Variants in FAM153A observed in about 807,000 individuals in gnomAD.
FAM153A encodes family with sequence similarity 153 member A.
Under a neutral mutation model 48.1 loss-of-function variants are expected in FAM153A, and 12 were observed. The observed-to-expected ratio is 0.25, with a 90% CI of 0.16 to 0.40. The LOEUF (loss-of-function observed/expected upper bound fraction) is 0.40, where lower values mean the gene tolerates loss of function less well. Among genes scored for constraint, FAM153A ranks in the 10% least tolerant of loss-of-function variants. The pLI is 1.00. For missense variants in FAM153A, 111 were observed against 345.8 expected (o/e 0.32, Z 5.38); for synonymous variants, 36 against 118.2 (o/e 0.30, Z 4.51).
upstream of FAM153A, among the ~76,000 whole-genome samples, chr5:177,755,685 A>C (rs1767660029): frequency 6.6e-6 from 1 of 151,734 alleles, no homozygotes; most frequent in African/African-American, 2.4e-5. Flanking sequence ...AATATTCAAC[A>C]TTCTTAAAGA....
At chr5:177,743,201 GTTTTGTTTTTT>G (rs1765579292) in intron 6 of FAM153A, among the ~76,000 whole-genome samples, 1 of 86,474 alleles carries the variant, frequency 1.2e-5, no homozygotes, top group Non-Finnish European at 2.4e-5. Context: ...TTTTTTTTTT[GTTTTGTTTTTT>G]TTTTTTTTGC....
At chr5:177,755,049 G>C (rs1490277780), upstream of FAM153A, among the ~76,000 whole-genome samples, 1 of 151,838 alleles carries the variant, frequency 6.6e-6, no homozygotes, top group East Asian at 1.9e-4. Flanking sequence ...GCTAAAGGAG[G>C]AAGTTCAAAC....
chr5:177,781,804 C>G (rs1423638425), upstream of FAM153A: 2 of 96,902 alleles, frequency 2.1e-5, no homozygotes, highest in East Asian at 6.5e-4. Context: ...CTGCAAGCTG[C>G]GCCTCCCGGG....
chr5:177,707,589 C>G (rs372166247), downstream of FAM153A, among the ~76,000 whole-genome samples: 1 of 151,568 alleles, frequency 6.6e-6, no homozygotes. Flanking sequence ...AACAAAATGA[C>G]TGGCAGGGAA....
intron 25 of FAM153A, among the ~76,000 whole-genome samples, chr5:177,715,760 G>A (rs1247345568): frequency 2.0e-5 from 3 of 151,770 alleles, no homozygotes; most frequent in Admixed American, 6.6e-5. Context: ...CTGGAGTGCA[G>A]TGGTATGATC....
chr5:177,708,181 CT>C (rs1758024345), downstream of FAM153A: 1 of 153,336 alleles, frequency 6.5e-6, no homozygotes, highest in Admixed American at 6.6e-5. Flanking sequence ...AACAGGAAAG[CT>C]GCAGGAATCA....
At chr5:177,711,372 T>G (rs1758448735) in exon 27 of FAM153A, 1 of 151,972 alleles carries the variant, frequency 6.6e-6, no homozygotes. Flanking sequence ...ATGTTCAAGT[T>G]GTTTTTTAAG....
chr5:177,716,964 A>AGAGT lies in FAM153A; in HGVS notation c.*1151+198_*1151+199insACTC, dbSNP rs71585654. On this transcript the variant is annotated intron_variant and NMD_transcript_variant, in intron 24 of 26. Transcript: ENST00000360669. ...CAGTAGCATGCCACCATTCCCGCTT[A>AGAGT]GTGTGTGTGTGTGTGTGTGTGTGTG... 1.6e-4 allele frequency among the ~76,000 whole-genome samples: 21 copies of AGAGT among 127,734 alleles called. No individual in the cohort carries two copies. In the East Asian group the frequency reaches 4.5e-3, roughly 27 times the overall value. The allele number at this position is 127,734 out of a possible 152,430, so 83.8% of individuals were successfully genotyped here.
the FAM153A span, among the ~76,000 whole-genome samples, chr5:177,696,192 C>G: frequency 8.1e-6 from 1 of 122,960 alleles, no homozygotes; most frequent in Non-Finnish European, 1.7e-5. Context: ...GATGGGGCGG[C>G]CGGGCAGAGG....
the FAM153A span, among the ~76,000 whole-genome samples, chr5:177,699,974 C>A: frequency 3.3e-5 from 5 of 151,790 alleles, no homozygotes; most frequent in African/African-American, 1.2e-4. Flanking sequence ...GCCTAGTGAA[C>A]TGAATCTAGC....
chr5:177,731,203 A>T (rs1389867538), intron 16 of FAM153A, among the ~76,000 whole-genome samples: 1 of 20,074 alleles, frequency 5.0e-5, no homozygotes, highest in African/African-American at 2.4e-4. Flanking sequence ...AACCTCTACC[A>T]CCTGGGTTCC....
chr5:177,711,168 T>A (rs1304867792), exon 27 of FAM153A: 1 of 151,956 alleles, frequency 6.6e-6, no homozygotes, highest in Non-Finnish European at 1.5e-5. Context: ...GAAATTATAA[T>A]GCACAAAGCC....
At chr5:177,759,381 G>C (rs1768079746) in intron 1 of FAM153A, among the ~76,000 whole-genome samples, 1 of 151,798 alleles carries the variant, frequency 6.6e-6, no homozygotes, top group Non-Finnish European at 1.5e-5. Context: ...CTGTAAACTA[G>C]TTCAACCATT....
chr5:177,770,133 T>A (rs1230349645), intron 1 of FAM153A, among the ~76,000 whole-genome samples: 6 of 131,102 alleles, frequency 4.6e-5, no homozygotes, highest in Non-Finnish European at 8.0e-5. Context: ...TGTATTTATC[T>A]ATAACATTCA....
chr5:177,707,075 G>C (rs1757943771), downstream of FAM153A, among the ~76,000 whole-genome samples: 1 of 151,932 alleles, frequency 6.6e-6, no homozygotes, highest in African/African-American at 2.4e-5. Flanking sequence ...GCAACAGACA[G>C]AGACAGACAA....
intron 2 of FAM153A, among the ~76,000 whole-genome samples, chr5:177,749,613 G>A (rs1216943070): frequency 1.1e-5 from 1 of 94,440 alleles, no homozygotes; most frequent in Non-Finnish European, 2.2e-5. Context: ...ATGACAGGAA[G>A]CACAGCAGCC....
chr5:177,769,775 A>G lies in FAM153A; in HGVS notation c.-57+10674T>C, dbSNP rs375611343. Among the ~76,000 whole-genome samples the G allele has an allele frequency of 6.2e-5, 6 of 96,636 alleles. 2 individuals are homozygous for G. The highest frequency in any genetic ancestry group is 2.1e-4 in the Admixed American group (2 of 9,314). The allele number at this position is 96,636 out of a possible 152,430, so 63.4% of individuals were successfully genotyped here. On this transcript the variant is annotated intron_variant, in intron 1 of 8. Transcript: ENST00000393518. ...ATTCACCTGCCATTTTACCTCCCACAGAAAGAACCACTGGAAAGATCACTC... is the reference window on the plus strand; with the variant it reads ...ATTCACCTGCCATTTTACCTCCCACGGAAAGAACCACTGGAAAGATCACTC...
At position 177,778,359 on chromosome 5, in the gene FAM153A, G is replaced by A. The variant is rs1406411119; in HGVS notation, c.-57+2090C>T. ...CCTAGTTTTACCAGAATAAAAAATA[G>A]GGAATCTTGATGATTGACAATATGT... On this transcript the variant is annotated intron_variant, in intron 1 of 8. Transcript: ENST00000393518. Among the ~76,000 whole-genome samples, 25 of 87,874 alleles carry A rather than the reference G, an allele frequency of 2.8e-4. 7 individuals are homozygous for A. Among genetic ancestry groups the A allele is most frequent in the African/African-American group, 1.0e-3 (22 of 21,628 alleles). 57.6% of individuals were successfully genotyped at this position (87,874 alleles called of 152,430 possible).
chr5:177,760,101 G>T (rs1471093168), intron 1 of FAM153A, among the ~76,000 whole-genome samples: 1 of 150,400 alleles, frequency 6.6e-6, no homozygotes, highest in Non-Finnish European at 1.5e-5. Flanking sequence ...AATTTTAATT[G>T]TCAACAACTG....
Sources: gnomAD v4.1 joint callset for allele counts (sites outside exome capture counted in the v4.1 genomes callset) on GRCh38, gnomAD v4.1.1 for gene constraint, MANE v1.5 for transcripts, NCBI Gene and HGNC (gene_info 2026-07-23, HGNC 2026-07-21) for gene names.